ATP9B: variants seen among roughly 807,000 people sequenced by gnomAD.
ATP9B encodes the protein probable phospholipid-transporting ATPase IIB.
A neutral mutation model predicts 146.1 loss-of-function variants in ATP9B; 110 were observed. That is an observed-to-expected ratio of 0.75 (90% CI 0.65 to 0.88). The LOEUF is 0.88. Among genes scored for constraint, ATP9B ranks in the 40% least tolerant of loss-of-function variants. ATP9B has a pLI of 0.00. For missense variants in ATP9B, 1,499 were observed against 1,496.4 expected, an observed-to-expected ratio of 1.00 and a Z score of -0.03; for synonymous variants, 604 against 569.7, an observed-to-expected ratio of 1.06 and a Z score of -0.86.
At chr18:79,108,131 A>T (rs370545351) in intron 2 of ATP9B, among the ~76,000 whole-genome samples, 1 of 152,142 alleles carries the variant, frequency 6.6e-6, no homozygotes, top group East Asian at 1.9e-4. Context: ...CCATGGGGGA[A>T]GGCGACTCAG....
intron 12 of ATP9B, among the ~76,000 whole-genome samples, chr18:79,276,311 C>T (rs753693354): frequency 6.6e-6 from 1 of 152,204 alleles, no homozygotes; most frequent in African/African-American, 2.4e-5. Context: ...CAGAATTGTC[C>T]CCAGTCAGAT....
intron 9 of ATP9B, among the ~76,000 whole-genome samples, chr18:79,195,152 G>A (rs1020028952): frequency 6.6e-6 from 1 of 152,156 alleles, no homozygotes; most frequent in Non-Finnish European, 1.5e-5. Context: ...ACTTCATTGT[G>A]CCTGTAGAAG....
chr18:79,262,918 A>G (rs918789664), intron 12 of ATP9B, among the ~76,000 whole-genome samples: 1 of 152,220 alleles, frequency 6.6e-6, no homozygotes, highest in Non-Finnish European at 1.5e-5. Flanking sequence ...TTTTTGCACA[A>G]TTCATTTCAT....
intron 15 of ATP9B, among the ~76,000 whole-genome samples, chr18:79,308,769 A>G (rs1187944288): frequency 5.2e-5 from 5 of 95,684 alleles, no homozygotes; most frequent in Non-Finnish European, 6.2e-5. Flanking sequence ...CCCAGCAGGT[A>G]GAAGGTCAGG....
At chr18:79,278,601 G>C (rs572974976) in intron 13 of ATP9B, among the ~76,000 whole-genome samples, 1 of 152,252 alleles carries the variant, frequency 6.6e-6, no homozygotes, top group Non-Finnish European at 1.5e-5. Flanking sequence ...TATTCTTTGT[G>C]TCAGCTCTCA....
chr18:79,260,735 G>A (rs1175412719), intron 12 of ATP9B, among the ~76,000 whole-genome samples: 1 of 152,192 alleles, frequency 6.6e-6, no homozygotes, highest in Non-Finnish European at 1.5e-5. Flanking sequence ...CTTTCAGAAA[G>A]AGGAAGAATG....
At chr18:79,224,841 G>T (rs2095713534) in intron 11 of ATP9B, among the ~76,000 whole-genome samples, 1 of 152,104 alleles carries the variant, frequency 6.6e-6, no homozygotes, top group Non-Finnish European at 1.5e-5. Context: ...TAGGGTGCTT[G>T]TCCTTGGGGG....
At chr18:79,279,221 G>A (rs2096349821) in intron 13 of ATP9B, among the ~76,000 whole-genome samples, 1 of 152,164 alleles carries the variant, frequency 6.6e-6, no homozygotes, top group Non-Finnish European at 1.5e-5. Context: ...CCCCTGTGAG[G>A]GCTGCTTTCC....
chr18:79,286,553 G>T lies in ATP9B; in HGVS notation c.1411+9357G>T, dbSNP rs1465580294. On this transcript the variant is annotated intron_variant, in intron 13 of 29. Coordinates refer to ENST00000426216, the MANE Select transcript of ATP9B (RefSeq NM_198531.5). ...TGGGGTTTTCTAGATATACAATCAT[G>T]TCATCTGCAAACAGGGACAGTTTGA... Among the ~76,000 whole-genome samples, 938 of 152,160 alleles carry T rather than the reference G, an allele frequency of 6.2e-3. 4 individuals carry two copies. Among genetic ancestry groups the T allele is most frequent in the African/African-American group, 0.021 (876 of 41,418 alleles).
intron 26 of ATP9B, among the ~76,000 whole-genome samples, chr18:79,368,741 AAGC>A (rs2097050497): frequency 6.6e-6 from 1 of 152,006 alleles, no homozygotes; most frequent in Non-Finnish European, 1.5e-5. Flanking sequence ...TGAGTGTGGC[AAGC>A]AGAAGAGCTG....
intron 7 of ATP9B, among the ~76,000 whole-genome samples, chr18:79,172,526 G>C (rs1218283234): frequency 7.1e-5 from 8 of 113,098 alleles, no homozygotes; most frequent in East Asian, 3.6e-4. Context: ...CCCCGCCCTT[G>C]CGATCCGCCT....
chr18:79,246,775 C>G (rs1431365264), intron 11 of ATP9B, among the ~76,000 whole-genome samples: 1 of 152,160 alleles, frequency 6.6e-6, no homozygotes, highest in South Asian at 2.1e-4. Context: ...GGTGTGAGTA[C>G]GACTCTGAGA....
At chr18:79,321,014 C>T (rs180877378) in intron 15 of ATP9B, among the ~76,000 whole-genome samples, 5 of 152,250 alleles carry the variant, frequency 3.3e-5, no homozygotes, top group African/African-American at 1.2e-4. Context: ...CAATCCTTTA[C>T]AATTTTCTTT....
chr18:79,121,926 G>A (rs2094196647), intron 4 of ATP9B, among the ~76,000 whole-genome samples: 1 of 152,100 alleles, frequency 6.6e-6, no homozygotes, highest in Admixed American at 6.5e-5. Context: ...ACTTCCTTGA[G>A]TTCTTAGGAA....
chr18:79,158,170 T>A (rs2094824140), intron 7 of ATP9B, among the ~76,000 whole-genome samples: 1 of 152,230 alleles, frequency 6.6e-6, no homozygotes, highest in Admixed American at 6.5e-5. Context: ...CTGCTTTTGC[T>A]GTATTTCATG....
At chr18:79,216,666 G>T (rs73971527) in intron 11 of ATP9B, among the ~76,000 whole-genome samples, 22 of 152,150 alleles carry the variant, frequency 1.4e-4, no homozygotes, top group Admixed American at 1.4e-3. Flanking sequence ...TCCAGTTTCC[G>T]CTGTGTGGGC....
At chr18:79,362,691 G>A (rs2096997371) in intron 26 of ATP9B, 1 of 152,194 alleles carries the variant, frequency 6.6e-6, no homozygotes, top group East Asian at 1.9e-4. Context: ...GGACTAGTAA[G>A]GTGACCCTGG....
intron 7 of ATP9B, among the ~76,000 whole-genome samples, chr18:79,160,569 GTAAT>G (rs372605432): frequency 2.6e-5 from 4 of 152,178 alleles, no homozygotes; most frequent in African/African-American, 4.8e-5. Context: ...ACAGTTTTGG[GTAAT>G]TAATTAAGTG....
intron 1 of ATP9B, among the ~76,000 whole-genome samples, chr18:79,071,199 T>G (rs2071728106): frequency 6.6e-6 from 1 of 151,624 alleles, no homozygotes; most frequent in East Asian, 1.9e-4. Context: ...CATGGTGTAT[T>G]GCTGTATTTC....
Sources: allele counts gnomAD v4.1 joint callset (sites outside exome capture counted in the v4.1 genomes callset), GRCh38; gene constraint gnomAD v4.1.1; transcripts MANE v1.5; gene names NCBI Gene and HGNC (gene_info 2026-07-23, HGNC 2026-07-21).